Variants in EXOC6 observed in about 807,000 individuals in gnomAD.
The protein encoded by EXOC6 is SEC15-like 1.
A neutral mutation model predicts 112.5 loss-of-function variants in EXOC6; 60 were observed. The ratio of observed to expected loss-of-function variants is 0.53; its 90% CI spans 0.43 to 0.66. The LOEUF (loss-of-function observed/expected upper bound fraction) is 0.66. EXOC6 is among the 30% of genes least tolerant of loss of function. The pLI, the probability that EXOC6 is intolerant of heterozygous loss-of-function variation, is 0.00. For synonymous variants in EXOC6, 295 were observed against 308.0 expected, an observed-to-expected ratio of 0.96 and a Z score of 0.44; for missense variants, 855 against 957.1, an observed-to-expected ratio of 0.89 and a Z score of 1.41.
At chr10:92,973,685 G>A (rs1026692825) in intron 17 of EXOC6, among the ~76,000 whole-genome samples, 1 of 152,196 alleles carries the variant, frequency 6.6e-6, no homozygotes, top group Admixed American at 6.5e-5. Context: ...ATTGCTCTCA[G>A]TGAATCAGGG....
chr10:93,012,215 G>T (rs1456110386), intron 19 of EXOC6, among the ~76,000 whole-genome samples: 1 of 152,160 alleles, frequency 6.6e-6, no homozygotes. Context: ...TAATTGATTA[G>T]CTGGCTTACC....
At chr10:92,985,473 C>T (rs1842967756) in intron 18 of EXOC6, among the ~76,000 whole-genome samples, 1 of 152,038 alleles carries the variant, frequency 6.6e-6, no homozygotes, top group African/African-American at 2.4e-5. Context: ...CTGTTGAAAA[C>T]ATTTTATTCT....
At chr10:93,012,171 G>A (rs1209956466) in intron 19 of EXOC6, among the ~76,000 whole-genome samples, 1 of 152,116 alleles carries the variant, frequency 6.6e-6, no homozygotes, top group Non-Finnish European at 1.5e-5. Context: ...CCTTACTTAG[G>A]TTGTATTTGC....
chr10:92,903,595 T>C (rs1264268823), intron 5 of EXOC6, among the ~76,000 whole-genome samples: 1 of 152,094 alleles, frequency 6.6e-6, no homozygotes, highest in Non-Finnish European at 1.5e-5. Context: ...TTGTATGTTT[T>C]CTTTTGTGAA....
chr10:92,916,369 G>A (rs1267548586), intron 7 of EXOC6, among the ~76,000 whole-genome samples: 1 of 152,102 alleles, frequency 6.6e-6, no homozygotes, highest in Admixed American at 6.5e-5. Context: ...AATTAGCTGG[G>A]CATGGTGGTG....
At chr10:93,031,256 A>T (rs55927040) in intron 20 of EXOC6, among the ~76,000 whole-genome samples, 5,458 of 116,410 alleles carry the variant, frequency 0.047, 186 homozygotes, top group East Asian at 0.13. Context: ...AGAATACTTT[A>T]AAAAAAAAGT....
intron 18 of EXOC6, among the ~76,000 whole-genome samples, chr10:92,975,649 G>A (rs1397421297): frequency 7.7e-6 from 1 of 129,570 alleles, no homozygotes; most frequent in East Asian, 2.4e-4. Flanking sequence ...CAGCCACCCC[G>A]TCCGGGAGGT....
intron 17 of EXOC6, among the ~76,000 whole-genome samples, chr10:92,972,894 A>G (rs952984793): frequency 1.3e-5 from 2 of 152,280 alleles, no homozygotes; most frequent in South Asian, 2.1e-4. Flanking sequence ...ACACAGCCCT[A>G]TGTATGTATG....
chr10:92,855,448 G>A (rs61860819), intron 1 of EXOC6, among the ~76,000 whole-genome samples: 2 of 152,056 alleles, frequency 1.3e-5, no homozygotes, highest in Non-Finnish European at 2.9e-5. Context: ...GGAAGTGTTC[G>A]CTTCTCTTCC....
intron 13 of EXOC6, among the ~76,000 whole-genome samples, chr10:92,944,048 A>G (rs1241006889): frequency 6.6e-6 from 1 of 152,144 alleles, no homozygotes; most frequent in African/African-American, 2.4e-5. Flanking sequence ...AATGTCCTCA[A>G]GGTTCATCCT....
At chr10:92,980,148 T>C (rs1031145158) in intron 18 of EXOC6, among the ~76,000 whole-genome samples, 1 of 152,206 alleles carries the variant, frequency 6.6e-6, no homozygotes, top group Non-Finnish European at 1.5e-5. Context: ...ATGTTTATCT[T>C]TTATTGTTTC....
At chr10:92,939,142 A>G (rs989370768) in intron 12 of EXOC6, among the ~76,000 whole-genome samples, 6 of 152,108 alleles carry the variant, frequency 3.9e-5, no homozygotes, top group African/African-American at 1.4e-4. Context: ...GTGGGACTTC[A>G]GTAAGCATTT....
intron 20 of EXOC6, among the ~76,000 whole-genome samples, chr10:93,031,921 C>T (rs835271): frequency 0.13 from 19,679 of 152,062 alleles, 1,430 homozygotes; most frequent in African/African-American, 0.18. Flanking sequence ...ATTTCTTTCA[C>T]GATAAATTGT....
chr10:92,836,813 A>G (rs1564760254), intron 1 of EXOC6, among the ~76,000 whole-genome samples: 1 of 152,096 alleles, frequency 6.6e-6, no homozygotes, highest in Non-Finnish European at 1.5e-5. Flanking sequence ...GCCAAATACG[A>G]GGGTTGAAAA....
intron 6 of EXOC6, among the ~76,000 whole-genome samples, chr10:92,912,180 A>G (rs1190905631): frequency 6.6e-6 from 1 of 151,662 alleles, no homozygotes; most frequent in Non-Finnish European, 1.5e-5. Context: ...CTTGTTATGT[A>G]TTAATTTAAA....
At chr10:92,849,804 C>A (rs992998329) in intron 1 of EXOC6, among the ~76,000 whole-genome samples, 5 of 152,126 alleles carry the variant, frequency 3.3e-5, no homozygotes, top group African/African-American at 4.8e-5. Context: ...TATTTAACCT[C>A]TCTGGATCTC....
intron 13 of EXOC6, among the ~76,000 whole-genome samples, chr10:92,945,616 T>C (rs891375096): frequency 6.6e-6 from 1 of 152,244 alleles, no homozygotes; most frequent in African/African-American, 2.4e-5. Flanking sequence ...TTATCTCTTC[T>C]TCCATAGTAA....
chr10:92,984,370 G>A (rs1356966816), intron 18 of EXOC6, among the ~76,000 whole-genome samples: 1 of 151,998 alleles, frequency 6.6e-6, no homozygotes, highest in Non-Finnish European at 1.5e-5. Flanking sequence ...GTGTGAAAAT[G>A]TCTTCTTTCC....
At chr10:92,873,031 T>A (rs1056985966) in intron 1 of EXOC6, among the ~76,000 whole-genome samples, 2 of 152,222 alleles carry the variant, frequency 1.3e-5, no homozygotes, top group African/African-American at 4.8e-5. Flanking sequence ...CATTCATTAA[T>A]CTACTTGTTT....
Sources: gnomAD v4.1 joint callset for allele counts (sites outside exome capture counted in the v4.1 genomes callset) on GRCh38, gnomAD v4.1.1 for gene constraint, MANE v1.5 for transcripts, NCBI Gene and HGNC (gene_info 2026-07-23, HGNC 2026-07-21) for gene names.